Variants in SLC7A10 observed in about 807,000 individuals in gnomAD.
The protein encoded by SLC7A10 is solute carrier family 7 member 10, also known as asc-type amino acid transporter 1.
Under a neutral mutation model 52.7 loss-of-function variants are expected in SLC7A10, and 30 were observed. The ratio of observed to expected loss-of-function variants is 0.57; its 90% confidence interval spans 0.43 to 0.77. SLC7A10 has a LOEUF of 0.77. Ranked by LOEUF, SLC7A10 falls within the 30% of genes least tolerant of loss-of-function variation. SLC7A10 has a pLI of 0.00. For missense variants in SLC7A10, 581 were observed against 698.5 expected (o/e 0.83, Z 1.90); for synonymous variants, 318 against 314.9 (o/e 1.01, Z -0.10).
chr19:33,215,787 A>G lies in SLC7A10; in HGVS notation c.338T>C (p.Ile113Thr). Residue 113 changes from isoleucine to threonine, a missense_variant, in exon 2 of 11, where the codon ATC becomes ACC. Coordinates refer to ENST00000253188, the MANE Select transcript of SLC7A10 (RefSeq NM_019849.3). ...SGGDYAYVTE[I>T]FGGLAGFLLL... ...CACTCACCCAGCCAGGCCCCCGAAG[A>G]TCTCTGTGACGTAGGCGTAGTCCCC... The G allele has an allele frequency of 6.4e-7, 1 of 1,560,530 alleles. No individual in the cohort carries two copies.
intron 9 of SLC7A10, 152 bp from the exon 10 acceptor site, chr19:33,209,637 C>A: frequency 1.2e-6 from 1 of 820,852 alleles, no homozygotes. Flanking sequence ...GGCGACAGCC[C>A]AGTGTGTTGG....
rs954105271 is a variant in SLC7A10, at chr19:33,219,100, C to T, written c.152-3127G>A. On this transcript the variant is annotated intron_variant, in intron 1 of 10. Transcript: ENST00000253188. Reference sequence around the variant, plus strand: ...AGAGATGTAGGTTCTGAGGCCTCCACGTTCCTGTCCACCCGGTGGGATGAC... The same window carrying T: ...AGAGATGTAGGTTCTGAGGCCTCCATGTTCCTGTCCACCCGGTGGGATGAC... Among the ~76,000 whole-genome samples the T allele has an allele frequency of 1.1e-4, 17 of 152,098 alleles. No homozygotes were observed. In the East Asian group the frequency reaches 1.4e-3, roughly 12 times the overall value.
chr19:33,209,254 TG>T (rs1974482598), intron 10 of SLC7A10, 53 bp downstream of exon 10: 1 of 1,609,330 alleles, frequency 6.2e-7, no homozygotes. Flanking sequence ...GAGGGAGGTC[TG>T]GTCTCCAGGC....
chr19:33,212,363 G>A lies in SLC7A10; in HGVS notation c.717C>T (p.Leu239=), dbSNP rs1485057078. The A allele has an allele frequency of 1.9e-6, 3 of 1,613,740 alleles. No individual in the cohort carries two copies. Among genetic ancestry groups the A allele is most frequent in the Non-Finnish European group, 2.5e-6 (3 of 1,180,034 alleles). The change falls in exon 5 of 11, where the codon CTC becomes CTT. Residue 239 remains leucine (L), a synonymous_variant. Coordinates refer to ENST00000253188, the MANE Select transcript of SLC7A10 (RefSeq NM_019849.3). ...AGCCACTGAAGGCGAAGGAGCCCTG[G>A]AGGAAGGCCAGGGCCAGGTGTCCCA... The part of the protein sequence containing the change: ...PSVGHLALAF[L]QGSFAFSGWN...
In SLC7A10 at chr19:33,210,570, A is replaced by T; in HGVS notation, c.1160T>A (p.Leu387His). The T allele has an allele frequency of 6.2e-7, 1 of 1,612,166 alleles. No homozygotes were observed. Among genetic ancestry groups the T allele is most frequent in the Non-Finnish European group, 8.5e-7 (1 of 1,179,958 alleles). Residue 387 changes from leucine to histidine, a missense_variant, in exon 9 of 11, where the codon CTC (leucine) becomes CAC (histidine). By Grantham distance (99) the Leu-to-His change is moderately conservative. Coordinates refer to ENST00000253188, the MANE Select transcript of SLC7A10 (RefSeq NM_019849.3). This position sits in a 1 kb window ranked among gnomAD's most constrained non-coding sequence, Gnocchi z 5.6. ...GTTGATGAAGGACACATAGTTGATG[A>T]GCGTGTACGTGTCGCCCACGAGCAT... ...VIMLVGDTYT[L>H]INYVSFINYL... is the part of the protein sequence containing the mutation.
At chr19:33,209,229 G>T (rs1974481834) in intron 10 of SLC7A10, 79 bp downstream of exon 10, 1 of 1,586,128 alleles carries the variant, frequency 6.3e-7, no homozygotes. Flanking sequence ...ACCCTGCTCT[G>T]GGGTGAGCCT....
rs897754596 is a variant in SLC7A10, at chr19:33,225,759, G to T, written c.-56C>A. 6.9e-7 allele frequency: 1 copy of T among 1,447,250 alleles called. No individual in the cohort carries two copies. The highest frequency in any genetic ancestry group is 9.0e-7 in the Non-Finnish European group (1 of 1,106,300). The allele number at this position is 1,447,250 out of a possible 1,614,324, so 89.7% of individuals were successfully genotyped here. On this transcript the variant is annotated 5_prime_UTR_variant, in exon 1 of 11. Coordinates refer to ENST00000253188, the MANE Select transcript of SLC7A10 (RefSeq NM_019849.3). ...CGCTGCCCCGTCTGTCCGGCCGGCC[G>T]CCCGTCGGTCCGTCGGTCCGTGAGC...
intron 5 of SLC7A10, 110 bp downstream of exon 5, chr19:33,212,182 C>A: frequency 6.7e-7 from 1 of 1,483,724 alleles, no homozygotes; most frequent in Non-Finnish European, 9.2e-7. Flanking sequence ...AGGCGTGGGC[C>A]ACCGAGGACC....
intron 1 of SLC7A10, among the ~76,000 whole-genome samples, chr19:33,216,843 G>A (rs1974697207): frequency 6.6e-6 from 1 of 152,144 alleles, no homozygotes; most frequent in South Asian, 2.1e-4. Context: ...GCCTCCCAAA[G>A]TGCTGGGATT....
intron 1 of SLC7A10, among the ~76,000 whole-genome samples, chr19:33,217,595 T>G (rs1974716753): frequency 6.6e-6 from 1 of 152,096 alleles, no homozygotes; most frequent in South Asian, 2.1e-4. Flanking sequence ...ACCAACATCG[T>G]TCTCTATGCA....
rs1280584858 is a variant in SLC7A10, at chr19:33,212,507, G to A, written c.634+7C>T. On this transcript the variant is annotated splice_region_variant and intron_variant, in intron 4 of 10. Transcript: ENST00000253188. ...CCAGCCCGGCCCTTACCCCGACTCG[G>A]CCCTACCTTGGAAGATCTGGAGAAG... 6.2e-7 allele frequency: 1 copy of A among 1,613,874 alleles called. No individual in the cohort carries two copies. Among genetic ancestry groups the A allele is most frequent in the Non-Finnish European group, 8.5e-7 (1 of 1,180,056 alleles).
At position 33,209,521 on chromosome 19, in the gene SLC7A10, G is replaced by T. The variant is rs374749645; in HGVS notation, c.1264-36C>A. ...GGGAGCAGAAACACCGATGGTGCAG[G>T]GCCTCCAGCTGTCTGTACCCCCGAC... On this transcript the variant is annotated intron_variant, in intron 9 of 10. Transcript: ENST00000253188. 5 of 1,609,068 alleles carry T rather than the reference G, an allele frequency of 3.1e-6. No individual in the cohort carries two copies. The African/African-American group carries it at 6.7e-5, about 22-fold the overall frequency.
intron 1 of SLC7A10, among the ~76,000 whole-genome samples, chr19:33,218,671 T>TTTCTTTCTTTCTCTCTCTCTC (rs369226143): frequency 5.8e-3 from 450 of 78,244 alleles, no homozygotes; most frequent in Non-Finnish European, 9.3e-3. Context: ...ATTTCTTTCT[T>TTTCTTTCTTTCTCTCTCTCTC]TCTTTCTTTC....
chr19:33,216,689 C>T (rs1194820587), intron 1 of SLC7A10, among the ~76,000 whole-genome samples: 2 of 152,086 alleles, frequency 1.3e-5, no homozygotes, highest in African/African-American at 4.8e-5. Context: ...ATTCTCCTGC[C>T]TCAGCCTTCC....
Position 33,212,381 on chromosome 19 carries a change from G to A in SLC7A10, c.699C>T (p.His233=). ...AGCCCTGGAGGAAGGCCAGGGCCAGGTGTCCCACGGAGGGCGTCATCCAGA... is the reference window on the plus strand; with the variant it reads ...AGCCCTGGAGGAAGGCCAGGGCCAGATGTCCCACGGAGGGCGTCATCCAGA... ...FAFWMTPSVG[H]LALAFLQGSF... The change falls in exon 5 of 11, where the codon CAC becomes CAT. Residue 233 remains histidine, a synonymous_variant. Coordinates refer to ENST00000253188, the MANE Select transcript of SLC7A10 (RefSeq NM_019849.3). 5 of 1,613,886 alleles carry A rather than the reference G, an allele frequency of 3.1e-6. No homozygotes were observed. Among genetic ancestry groups the A allele is most frequent in the South Asian group, 1.1e-5 (1 of 91,090 alleles).
chr19:33,208,827 C>T lies in SLC7A10; in HGVS notation c.*64G>A. ...AAAAAAACAAAACAAAACTTTTTTG[C>T]CAAAACACCTCCTCAATAAACAACA... On this transcript the variant is annotated 3_prime_UTR_variant, in exon 11 of 11. Coordinates refer to ENST00000253188, the MANE Select transcript of SLC7A10 (RefSeq NM_019849.3). This position sits in a 1 kb window ranked among gnomAD's most constrained non-coding sequence, Gnocchi z 4.7. 1 of 1,603,200 alleles carries T rather than the reference C, an allele frequency of 6.2e-7. No homozygotes were observed. The highest frequency in any genetic ancestry group is 1.3e-5 in the African/African-American group (1 of 74,498).
rs547859648 is a variant in SLC7A10 at position 33,219,059 on chromosome 19, AC to A, written c.152-3087del. Among the ~76,000 whole-genome samples the A allele has an allele frequency of 3.3e-4, 50 of 151,934 alleles. 4 individuals are homozygous for A. The South Asian group carries it at 0.01, about 31-fold the overall frequency. ...CCGCTGAGCCCCTGTTGGGTGTCTG[AC>A]CCATGGCTGACCAGAGAGATGTAGG... On this transcript the variant is annotated intron_variant, in intron 1 of 10. Transcript: ENST00000253188.
rs200120655 is a variant in SLC7A10, at chr19:33,212,875, G to A, written c.484C>T (p.Arg162Trp). ...PNCIPPTTAS[R>W]VLSMACLMLL... ...CTCAGGCAGGCCATGGACAGCACCC[G>A]GGAGGCTGTGGTGGGGGGGATGCAG... Residue 162 changes from arginine to tryptophan, a missense_variant, in exon 3 of 11, where the codon CGG becomes TGG. By Grantham distance (101) the Arg-to-Trp change is moderately radical. Coordinates refer to ENST00000253188, the MANE Select transcript of SLC7A10 (RefSeq NM_019849.3). 7.7e-5 allele frequency: 124 copies of A among 1,614,010 alleles called. 1 individual carries two copies. The highest frequency in any genetic ancestry group is 1.6e-4 in the East Asian group (7 of 44,896).
intron 1 of SLC7A10, 72 bp downstream of exon 1, chr19:33,225,481 G>T: frequency 1.3e-6 from 2 of 1,548,594 alleles, no homozygotes. Flanking sequence ...GAGAGGGGAC[G>T]CCCCTCGTTC....
Sources: allele counts gnomAD v4.1 joint callset (sites outside exome capture counted in the v4.1 genomes callset), GRCh38; gene constraint gnomAD v4.1.1; non-coding constraint Gnocchi (gnomAD v3.1); transcripts MANE v1.5; gene names NCBI Gene and HGNC (gene_info 2026-07-23, HGNC 2026-07-21).